Variants in PIGN observed in about 807,000 individuals in gnomAD.
The protein encoded by PIGN is phosphatidylinositol glycan anchor biosynthesis class N, also known as GPI ethanolamine phosphate transferase 1.
Under a neutral mutation model 125.4 loss-of-function variants are expected in PIGN, and 117 were observed. The ratio of observed to expected loss-of-function variants is 0.93; its 90% CI spans 0.80 to 1.09. The LOEUF (loss-of-function observed/expected upper bound fraction) is 1.09. PIGN is among the 50% of genes least tolerant of loss of function. The pLI, the probability that PIGN is intolerant of heterozygous loss-of-function variation, is 0.00. For missense variants in PIGN, 1,075 were observed against 1,094.9 expected (o/e 0.98, Z 0.26); for synonymous variants, 392 against 377.8 (o/e 1.04, Z -0.44).
intron 30 of PIGN, chr18:62,051,906 T>G (rs1484649522): frequency 1.3e-5 from 2 of 152,198 alleles, no homozygotes; most frequent in East Asian, 3.9e-4. Flanking sequence ...GTTGTGTCTT[T>G]GTTCTCATTG....
chr18:62,103,941 A>AT (rs2146370975), intron 20 of PIGN: 1 of 152,166 alleles, frequency 6.6e-6, no homozygotes, highest in East Asian at 1.9e-4. Context: ...ATTGGCAAAT[A>AT]TGTTTTTACT....
At chr18:62,029,824 G>C (rs895559409) in intron 23 of PIGN, among the ~76,000 whole-genome samples, 1 of 152,150 alleles carries the variant, frequency 6.6e-6, no homozygotes, top group African/African-American at 2.4e-5. Flanking sequence ...TCATTGCATT[G>C]GGTCAAACTC....
chr18:62,167,611 AAC>A (rs1292528591), intron 1 of PIGN, among the ~76,000 whole-genome samples: 1 of 147,162 alleles, frequency 6.8e-6, no homozygotes, highest in Non-Finnish European at 1.5e-5. Flanking sequence ...CAGCCTGAGC[AAC>A]AGAGTGAAAC....
intron 2 of PIGN, 134 bp downstream of exon 2, chr18:62,163,397 G>A (rs987727401): frequency 6.6e-6 from 1 of 152,136 alleles, no homozygotes; most frequent in Non-Finnish European, 1.5e-5. Flanking sequence ...AAGAAACCTA[G>A]ATTAGTTACC....
chr18:62,172,101 A>G (rs1390378177), intron 1 of PIGN, among the ~76,000 whole-genome samples: 1 of 152,176 alleles, frequency 6.6e-6, no homozygotes, highest in Non-Finnish European at 1.5e-5. Flanking sequence ...CAAGGTTTTC[A>G]ACCATATATC....
intron 14 of PIGN, among the ~76,000 whole-genome samples, chr18:62,125,077 T>A (rs9957347): frequency 1.4e-5 from 2 of 146,252 alleles, no homozygotes; most frequent in African/African-American, 5.3e-5. Flanking sequence ...TAAATATACA[T>A]GTTTGTACAT....
At chr18:62,184,455 G>A (rs966990597) in intron 1 of PIGN, 2 of 152,124 alleles carry the variant, frequency 1.3e-5, no homozygotes, top group African/African-American at 4.8e-5. Flanking sequence ...ATTCCAGTGT[G>A]TGTTACTTAT....
chr18:62,178,329 C>T (rs2037598160), intron 1 of PIGN, among the ~76,000 whole-genome samples: 1 of 151,832 alleles, frequency 6.6e-6, no homozygotes, highest in Admixed American at 6.6e-5. Context: ...AACAGTTGAT[C>T]CTGTCACTCT....
intron 22 of PIGN, among the ~76,000 whole-genome samples, chr18:62,097,646 T>G (rs945610870): frequency 2.6e-5 from 4 of 152,202 alleles, no homozygotes; most frequent in Admixed American, 1.3e-4. Flanking sequence ...CTTTGCTTAA[T>G]TAGGCATTTA....
chr18:62,026,123 C>T (rs1230515867), intron 23 of PIGN, among the ~76,000 whole-genome samples: 17 of 152,170 alleles, frequency 1.1e-4, no homozygotes, highest in Non-Finnish European at 1.2e-4. Flanking sequence ...TTTATAAATC[C>T]CGTTCATTCA....
chr18:62,049,138 T>C (rs1211038113), intron 30 of PIGN, among the ~76,000 whole-genome samples: 144 of 151,714 alleles, frequency 9.5e-4, no homozygotes, highest in African/African-American at 3.4e-3. Context: ...GTCTTTGCTA[T>C]TGTGAATAGT....
At chr18:62,126,615 C>T (rs934402134) in intron 14 of PIGN, among the ~76,000 whole-genome samples, 14 of 152,140 alleles carry the variant, frequency 9.2e-5, no homozygotes, top group Non-Finnish European at 1.9e-4. Context: ...GCACTTCCTA[C>T]GCTTTCCCTC....
intron 1 of PIGN, among the ~76,000 whole-genome samples, chr18:62,177,511 G>T (rs1215532364): frequency 6.6e-6 from 1 of 152,124 alleles, no homozygotes; most frequent in Non-Finnish European, 1.5e-5. Flanking sequence ...TCCAATGTCA[G>T]GACTTCCTCA....
intron 30 of PIGN, among the ~76,000 whole-genome samples, chr18:62,068,072 T>A (rs2032629578): frequency 6.6e-6 from 1 of 151,708 alleles, no homozygotes; most frequent in Non-Finnish European, 1.5e-5. Flanking sequence ...GGCACATATA[T>A]CATAGCAATG....
intron 14 of PIGN, among the ~76,000 whole-genome samples, chr18:62,126,722 A>C (rs1337802770): frequency 6.6e-6 from 1 of 152,072 alleles, no homozygotes; most frequent in East Asian, 1.9e-4. Context: ...ATAATTTCCA[A>C]AATCTATATT....
intron 22 of PIGN, among the ~76,000 whole-genome samples, chr18:62,098,182 T>A (rs1232994935): frequency 2.0e-5 from 3 of 152,228 alleles, no homozygotes; most frequent in African/African-American, 7.2e-5. Context: ...GTTATTATTA[T>A]TAGTCAACAT....
rs2034823517 is a variant in PIGN, at chr18:62,110,260, G to A, written c.1435-287C>T. On this transcript the variant is annotated intron_variant, in intron 16 of 30. Transcript: ENST00000640252. ...TTGCAAGTAACTTGTTCAGAATTCT[G>A]AACATGTTTCCTTTTAGGAATATTT... The A allele has an allele frequency of 1.7e-5, 4 of 230,306 alleles. No individual in the cohort carries two copies. In the South Asian group the frequency reaches 3.3e-4, roughly 19 times the overall value. 14.3% of individuals were successfully genotyped at this position (230,306 alleles called of 1,614,324 possible).
chr18:62,168,847 C>T (rs988560896), intron 1 of PIGN, among the ~76,000 whole-genome samples: 2 of 143,710 alleles, frequency 1.4e-5, no homozygotes, highest in Non-Finnish European at 3.0e-5. Flanking sequence ...TCCTAGACAA[C>T]CACTAATTTT....
downstream of PIGN, among the ~76,000 whole-genome samples, chr18:62,037,491 A>C (rs2030276487): frequency 6.6e-6 from 1 of 152,240 alleles, no homozygotes; most frequent in Non-Finnish European, 1.5e-5. Flanking sequence ...GTAAAGGCCT[A>C]GTGAAGCTGG....
Sources: allele counts gnomAD v4.1 joint callset (sites outside exome capture counted in the v4.1 genomes callset), GRCh38; gene constraint gnomAD v4.1.1; transcripts MANE v1.5; gene names NCBI Gene and HGNC (gene_info 2026-07-23, HGNC 2026-07-21).